Variants in KCNJ3 observed in about 807,000 individuals in gnomAD.
KCNJ3 encodes the protein potassium inwardly rectifying channel subfamily J member 3, also known as G protein-activated inward rectifier potassium channel 1.
KCNJ3 carries 4 observed loss-of-function variants against 39.2 expected under a neutral mutation model. That is an observed-to-expected ratio of 0.10 (90% CI 0.05 to 0.23). The LOEUF (loss-of-function observed/expected upper bound fraction) is 0.23, where lower values mean the gene tolerates loss of function less well. Among genes scored for constraint, KCNJ3 ranks in the 10% least tolerant of loss-of-function variants. KCNJ3 has a pLI of 1.00. For missense variants in KCNJ3, 276 were observed against 634.9 expected (o/e 0.43, Z 6.08); for synonymous variants, 230 against 237.4 (o/e 0.97, Z 0.29).
Position 154,855,776 on chromosome 2 carries a change from C to CACATACATACACATACATACAT in KCNJ3, c.*473_*494dup, listed in dbSNP as rs1288346176. 1 of 152,168 alleles carries CACATACATACACATACATACAT rather than the reference C, an allele frequency of 6.6e-6. No individual in the cohort carries two copies. The highest frequency in any genetic ancestry group is 2.4e-5 in the African/African-American group (1 of 41,278). The allele number at this position is 152,168 out of a possible 1,614,324, so 9.4% of individuals were successfully genotyped here. ...ATACACACATATACATATATATATACACATACATACACATACATACATACA... is the reference window on the plus strand; with the variant it reads ...ATACACACATATACATATATATATACACATACATACACATACATACATACATACATACACATACATACATACA... On this transcript the variant is annotated 3_prime_UTR_variant, in exon 3 of 3. Coordinates refer to ENST00000295101, the MANE Select transcript of KCNJ3 (RefSeq NM_002239.4).
chr2:154,773,081 A>G (rs1463352908), intron 2 of KCNJ3, among the ~76,000 whole-genome samples: 1 of 152,172 alleles, frequency 6.6e-6, no homozygotes, highest in Non-Finnish European at 1.5e-5. Context: ...GAAATAAATT[A>G]AGCAAGGGAT....
At chr2:154,758,471 C>A (rs1208239196) in intron 2 of KCNJ3, among the ~76,000 whole-genome samples, 1 of 152,090 alleles carries the variant, frequency 6.6e-6, no homozygotes, top group East Asian at 1.9e-4. Context: ...ACTTTAAATT[C>A]ATCTCTAGAC....
At chr2:154,772,936 G>A (rs180879719) in intron 2 of KCNJ3, among the ~76,000 whole-genome samples, 83 of 152,006 alleles carry the variant, frequency 5.5e-4, no homozygotes, top group Admixed American at 7.2e-4. Flanking sequence ...TTGTTTTAAA[G>A]TAGTATTTCC....
At chr2:154,835,299 A>G (rs1209486847) in intron 2 of KCNJ3, among the ~76,000 whole-genome samples, 1 of 151,556 alleles carries the variant, frequency 6.6e-6, no homozygotes, top group Non-Finnish European at 1.5e-5. Context: ...TAGGCAGCAT[A>G]AAATGTTACT....
intron 2 of KCNJ3, among the ~76,000 whole-genome samples, chr2:154,830,011 G>A (rs1687337380): frequency 3.3e-5 from 5 of 152,084 alleles, no homozygotes; most frequent in Non-Finnish European, 7.4e-5. Flanking sequence ...TATTCTAGTA[G>A]CAACCTCTAA....
At chr2:154,766,121 C>T (rs1041580887) in intron 2 of KCNJ3, among the ~76,000 whole-genome samples, 2 of 152,170 alleles carry the variant, frequency 1.3e-5, no homozygotes, top group African/African-American at 4.8e-5. Flanking sequence ...TTGAATTTAA[C>T]TACTTAAGAA....
chr2:154,855,087 C>T lies in KCNJ3; in HGVS notation c.1280C>T (p.Ala427Val), dbSNP rs1448895977. 6.2e-7 allele frequency: 1 copy of T among 1,614,032 alleles called. No homozygotes were observed. The highest frequency in any genetic ancestry group is 8.5e-7 in the Non-Finnish European group (1 of 1,179,946). ...LRMSSTTSEK[A>V]YSLGDLPMKL... ...ATGAGTTCTACAACTTCAGAAAAAGCCTACAGCTTGGGAGACTTGCCCATG... is the reference window on the plus strand; with the variant it reads ...ATGAGTTCTACAACTTCAGAAAAAGTCTACAGCTTGGGAGACTTGCCCATG... Residue 427 changes from alanine to valine, a missense_variant, in exon 3 of 3, where the codon GCC (alanine) becomes GTC (valine). Around this residue, in one of 4 missense-constraint regions of KCNJ3, gnomAD observed 126 missense variants for 179.8 expected, o/e 0.70. Coordinates refer to ENST00000295101, the MANE Select transcript of KCNJ3 (RefSeq NM_002239.4).
intron 2 of KCNJ3, among the ~76,000 whole-genome samples, chr2:154,718,070 T>G (rs554214955): frequency 6.6e-6 from 1 of 152,274 alleles, no homozygotes; most frequent in East Asian, 1.9e-4. Flanking sequence ...CCTTTTAAAT[T>G]AATTGTTGGT....
chr2:154,843,446 TG>T (rs1044832134), intron 2 of KCNJ3, among the ~76,000 whole-genome samples: 1 of 152,182 alleles, frequency 6.6e-6, no homozygotes, highest in African/African-American at 2.4e-5. Flanking sequence ...AGTATCTTTG[TG>T]GTGTTCTCTG....
chr2:154,761,153 T>C (rs566029378), intron 2 of KCNJ3, among the ~76,000 whole-genome samples: 4 of 151,626 alleles, frequency 2.6e-5, no homozygotes, highest in African/African-American at 7.2e-5. Flanking sequence ...TTAGAATTCA[T>C]TTATCAGTAT....
intron 2 of KCNJ3, among the ~76,000 whole-genome samples, chr2:154,819,208 A>G (rs1253024709): frequency 3.3e-5 from 5 of 152,140 alleles, no homozygotes; most frequent in Non-Finnish European, 5.9e-5. Context: ...AGGTATGACC[A>G]GAGGCTGAAA....
At chr2:154,782,377 G>T (rs768975449) in intron 2 of KCNJ3, among the ~76,000 whole-genome samples, 2 of 152,092 alleles carry the variant, frequency 1.3e-5, no homozygotes, top group Non-Finnish European at 2.9e-5. Flanking sequence ...AACAGTGATC[G>T]GCCCATAGTA....
chr2:154,743,171 G>GACC (rs1685682253), intron 2 of KCNJ3, among the ~76,000 whole-genome samples: 1 of 151,706 alleles, frequency 6.6e-6, no homozygotes, highest in Non-Finnish European at 1.5e-5. Context: ...AAAATTATTT[G>GACC]ACCATATACA....
chr2:154,787,101 TTATAAAG>T (rs1686543738), intron 2 of KCNJ3, among the ~76,000 whole-genome samples: 2 of 152,156 alleles, frequency 1.3e-5, no homozygotes, highest in South Asian at 4.1e-4. Flanking sequence ...TTAAAAGTAG[TTATAAAG>T]TATATTGAAA....
chr2:154,837,175 C>G (rs1687483407), intron 2 of KCNJ3, among the ~76,000 whole-genome samples: 1 of 152,128 alleles, frequency 6.6e-6, no homozygotes, highest in Admixed American at 6.5e-5. Context: ...AGATATGCAT[C>G]TATCTGTGTA....
In KCNJ3 at chr2:154,816,907, A is replaced by G. The variant is rs10208798; in HGVS notation, c.920-37820A>G. On this transcript the variant is annotated intron_variant, in intron 2 of 2. Coordinates refer to ENST00000295101, the MANE Select transcript of KCNJ3 (RefSeq NM_002239.4). ...ATCGCAATTTCTCATTGGCCTTTAC[A>G]TTAATCATGGATATTAGTTTCATAT... Among the ~76,000 whole-genome samples the G allele has an allele frequency of 8.3e-3, 1,270 of 152,286 alleles. 21 individuals are homozygous for G. Among genetic ancestry groups the G allele is most frequent in the African/African-American group, 0.029 (1,190 of 41,576 alleles).
At chr2:154,852,913 G>A (rs1558892160) in intron 2 of KCNJ3, among the ~76,000 whole-genome samples, 3 of 151,850 alleles carry the variant, frequency 2.0e-5, no homozygotes, top group Admixed American at 1.3e-4. Context: ...GAGTTTAAGT[G>A]ATAACTGAGT....
Position 154,832,114 on chromosome 2 carries a change from T to G in KCNJ3, c.920-22613T>G, listed in dbSNP as rs548776106. Among the ~76,000 whole-genome samples, 190 of 152,196 alleles carry G rather than the reference T, an allele frequency of 1.2e-3. 3 individuals carry two copies. Among genetic ancestry groups the G allele is most frequent in the African/African-American group, 4.4e-3 (183 of 41,540 alleles). On this transcript the variant is annotated intron_variant, in intron 2 of 2. Transcript: ENST00000295101. ...ACCAATACATTCATGGAGAATGCAT[T>G]GCACCAAGACATTCATGAGCGATCT...
chr2:154,819,163 A>T (rs920398071), intron 2 of KCNJ3, among the ~76,000 whole-genome samples: 6 of 151,998 alleles, frequency 3.9e-5, no homozygotes, highest in African/African-American at 1.4e-4. Context: ...AAAGACCATG[A>T]GATAACTATT....
Sources: gnomAD v4.1 joint callset for allele counts (sites outside exome capture counted in the v4.1 genomes callset) on GRCh38, gnomAD v4.1.1 for gene constraint, gnomAD v4.1.1 regional missense constraint, MANE v1.5 for transcripts, NCBI Gene and HGNC (gene_info 2026-07-23, HGNC 2026-07-21) for gene names.